C1QTNF2: variants seen among roughly 807,000 people sequenced by gnomAD.
C1QTNF2 encodes the protein C1q and TNF related 2, also known as complement C1q tumor necrosis factor-related protein 2.
A neutral mutation model predicts 17.4 loss-of-function variants in C1QTNF2; 15 were observed. The ratio of observed to expected loss-of-function variants is 0.86; its 90% CI spans 0.58 to 1.33. The LOEUF is 1.33. C1QTNF2 is among the 40% of genes most tolerant of loss of function. C1QTNF2 has a pLI of 0.00. For synonymous variants in C1QTNF2, 154 were observed against 163.3 expected, an observed-to-expected ratio of 0.94 and a Z score of 0.44; for missense variants, 381 against 392.3, an observed-to-expected ratio of 0.97 and a Z score of 0.24.
intron 1 of C1QTNF2, among the ~76,000 whole-genome samples, chr5:160,369,762 G>A (rs1764315814): frequency 6.6e-6 from 1 of 152,144 alleles, no homozygotes; most frequent in African/African-American, 2.4e-5. Flanking sequence ...GGAGAGACCT[G>A]GGCTGGGAGA....
intron 2 of C1QTNF2, among the ~76,000 whole-genome samples, chr5:160,354,169 C>G (rs1460838706): frequency 1.3e-5 from 2 of 152,092 alleles, no homozygotes; most frequent in Non-Finnish European, 2.9e-5. Context: ...CTGTCACTTG[C>G]AATTATCAAG....
intron 1 of C1QTNF2, among the ~76,000 whole-genome samples, chr5:160,370,144 C>T (rs1389267191): frequency 6.6e-6 from 1 of 152,074 alleles, no homozygotes; most frequent in Non-Finnish European, 1.5e-5. Flanking sequence ...GAGCCCAGTT[C>T]CTCTTTTGTA....
rs1208984820 is a variant in C1QTNF2, at chr5:160,354,770, T to A, written c.242A>T (p.Glu81Val). 6.2e-7 allele frequency: 1 copy of A among 1,613,492 alleles called. No homozygotes were observed. Among genetic ancestry groups the A allele is most frequent in the Non-Finnish European group, 8.5e-7 (1 of 1,179,908 alleles). Residue 81 changes from glutamate (E) to valine (V), a missense_variant and splice_region_variant, in exon 2 of 3, where the codon GAA (glutamate) becomes GTA (valine). Glu to Val is a moderately radical substitution (Grantham distance 121). Transcript: ENST00000652664. Reference protein sequence around the residue: ...HDGDRGDSGEEGPPGRTGNRG... With the variant: ...HDGDRGDSGEVGPPGRTGNRG... ...AGTGGCACGTATAGGCCTCTTACCT[T>A]CCTCTCCGCTGTCCCCCCGGTCGCC...
intron 2 of C1QTNF2, among the ~76,000 whole-genome samples, chr5:160,352,690 G>T (rs114375239): frequency 6.6e-6 from 1 of 152,184 alleles, no homozygotes; most frequent in East Asian, 1.9e-4. Context: ...TGAGTCTGCC[G>T]CCGTGGTCAG....
In C1QTNF2 at chr5:160,370,536, G is replaced by T; in HGVS notation, c.-34C>A. 1 of 1,492,618 alleles carries T rather than the reference G, an allele frequency of 6.7e-7. No homozygotes were observed. 92.5% of individuals were successfully genotyped at this position (1,492,618 alleles called of 1,614,324 possible). A position where few individuals can be genotyped will look rare whatever the true frequency, so the allele number is the denominator to read the frequency against. On this transcript the variant is annotated 5_prime_UTR_variant, in exon 1 of 3. It adds an upstream start codon to the 5' untranslated region. Coordinates refer to ENST00000652664, the MANE Select transcript of C1QTNF2 (RefSeq NM_031908.6). Reference sequence around the variant, plus strand: ...CCCTCGCGGCTGCCCGCCACGTCCAGGGGCGTCCGGAGCAAAGAAGCTCTC... The same window carrying T: ...CCCTCGCGGCTGCCCGCCACGTCCATGGGCGTCCGGAGCAAAGAAGCTCTC...
intron 1 of C1QTNF2, among the ~76,000 whole-genome samples, chr5:160,356,964 G>T (rs914997185): frequency 2.0e-5 from 3 of 152,070 alleles, no homozygotes; most frequent in African/African-American, 7.3e-5. Context: ...AATGTTCATT[G>T]CCCACATCCC....
At position 160,370,494 on chromosome 5, in the gene C1QTNF2, G is replaced by A; in HGVS notation, c.-10+18C>T. On this transcript the variant is annotated intron_variant, in intron 1 of 2. Coordinates refer to ENST00000652664, the MANE Select transcript of C1QTNF2 (RefSeq NM_031908.6). ...GCGCACTTGCCGCCCCCGCCCGACC[G>A]CGGTGCGGGACACTCACCCTCGCGG... The A allele has an allele frequency of 7.0e-7, 1 of 1,431,310 alleles. No homozygotes were observed. The highest frequency in any genetic ancestry group is 9.1e-7 in the Non-Finnish European group (1 of 1,098,928). 88.7% of individuals were successfully genotyped at this position (1,431,310 alleles called of 1,614,324 possible).
chr5:160,355,742 A>G (rs1162996076), intron 1 of C1QTNF2, among the ~76,000 whole-genome samples: 1 of 152,256 alleles, frequency 6.6e-6, no homozygotes, highest in East Asian at 1.9e-4. Flanking sequence ...GCACCCCAGG[A>G]TGGCTTTGAA....
rs762523013 is a variant in C1QTNF2, at chr5:160,349,845, C to T, written c.245-64G>A. ...CAGACCTAGGCAGAGGGGTGCGGTGCGGCTTGGTCTTCCAATCTTGGAGAA... is the reference window on the plus strand; with the variant it reads ...CAGACCTAGGCAGAGGGGTGCGGTGTGGCTTGGTCTTCCAATCTTGGAGAA... On this transcript the variant is annotated intron_variant, in intron 2 of 2. Transcript: ENST00000652664. The surrounding 1 kb of genome is among the most constrained non-coding windows in gnomAD (Gnocchi z 4.3). 12 of 1,483,842 alleles carry T rather than the reference C, an allele frequency of 8.1e-6. No homozygotes were observed. The highest frequency in any genetic ancestry group is 4.9e-5 in the Admixed American group (2 of 40,892). The allele number at this position is 1,483,842 out of a possible 1,614,324, so 91.9% of individuals were successfully genotyped here. A position where few individuals can be genotyped will look rare whatever the true frequency, so the allele number is the denominator to read the frequency against.
chr5:160,357,784 A>G (rs913566647), intron 1 of C1QTNF2, among the ~76,000 whole-genome samples: 1 of 151,916 alleles, frequency 6.6e-6, no homozygotes, highest in South Asian at 2.1e-4. Context: ...AGAGGGAGAG[A>G]GACTGGCAGA....
At chr5:160,366,540 C>T (rs544570718) in intron 1 of C1QTNF2, among the ~76,000 whole-genome samples, 39 of 152,266 alleles carry the variant, frequency 2.6e-4, no homozygotes, top group Non-Finnish European at 5.0e-4. Context: ...ACAGTGACCC[C>T]GTGAGGAGCT....
intron 1 of C1QTNF2, among the ~76,000 whole-genome samples, chr5:160,364,507 T>C (rs1410637856): frequency 1.3e-5 from 2 of 152,212 alleles, no homozygotes; most frequent in Admixed American, 6.5e-5. Context: ...TCAAACAAGA[T>C]AATGGATGTT....
rs181062662 is a variant in C1QTNF2 at position 160,348,733 on chromosome 5, C to A, written c.*435G>T. Reference sequence around the variant, plus strand: ...CACTGTATGTAAGTAAACCTAAAAACGCAAACTTAAAAAAAGAAACAAATT... The same window carrying A: ...CACTGTATGTAAGTAAACCTAAAAAAGCAAACTTAAAAAAAGAAACAAATT... On this transcript the variant is annotated 3_prime_UTR_variant, in exon 3 of 3. Transcript: ENST00000652664. 342 of 159,652 alleles carry A rather than the reference C, an allele frequency of 2.1e-3. No individual in the cohort carries two copies. Among genetic ancestry groups the A allele is most frequent in the African/African-American group, 8.2e-3 (340 of 41,614 alleles). 9.9% of individuals were successfully genotyped at this position (159,652 alleles called of 1,614,324 possible).
In C1QTNF2 at chr5:160,349,645, C is replaced by T. The variant is rs761650652; in HGVS notation, c.381G>A (p.Gly127=). 2.5e-6 allele frequency: 4 copies of T among 1,613,688 alleles called. No individual in the cohort carries two copies. The Admixed American group carries it at 5.0e-5, about 20-fold the overall frequency. ...PGKHGTPGKK[G]PKGKKGEPGL... The stretch of plus-strand genomic sequence containing the variant: ...CTGGCTCCCCCTTCTTGCCCTTGGG[C>T]CCCTTCTTGCCTGGTGTGCCATGCT... Residue 127 remains glycine, a synonymous_variant, in exon 3 of 3, where the codon GGG becomes GGA. Transcript: ENST00000652664. This position sits in a 1 kb window ranked among gnomAD's most constrained non-coding sequence, Gnocchi z 4.3.
In C1QTNF2 at chr5:160,355,034, G is replaced by T. The variant is rs1232979033; in HGVS notation, c.-9-14C>A. 2.0e-6 allele frequency: 3 copies of T among 1,526,936 alleles called. No homozygotes were observed. In the Admixed American group the frequency reaches 6.5e-5, roughly 33 times the overall value. 94.6% of individuals were successfully genotyped at this position (1,526,936 alleles called of 1,614,324 possible). On this transcript the variant is annotated splice_polypyrimidine_tract_variant and intron_variant, in intron 1 of 2. Coordinates refer to ENST00000652664, the MANE Select transcript of C1QTNF2 (RefSeq NM_031908.6). ...CATGGTGGTTACCTGTGGGAGGCAA[G>T]AGAGCTGTGACAGGTGAGTGTGGCC...
In C1QTNF2 at chr5:160,349,378, G is replaced by A. The variant is rs1763864030; in HGVS notation, c.648C>T (p.Gly216=). The A allele has an allele frequency of 6.2e-7, 1 of 1,614,104 alleles. No individual in the cohort carries two copies. Among genetic ancestry groups the A allele is most frequent in the Non-Finnish European group, 8.5e-7 (1 of 1,180,028 alleles). Residue 216 remains glycine (G), a synonymous_variant, in exon 3 of 3, where the codon GGC becomes GGT. Coordinates refer to ENST00000652664, the MANE Select transcript of C1QTNF2 (RefSeq NM_031908.6). The surrounding 1 kb of genome is among the most constrained non-coding windows in gnomAD (Gnocchi z 4.3). Reference sequence around the variant, plus strand: ...CATCAAAGGTCCGGATGCGGTACTGGCCGTTGTGCACCAGGCCGATGGCCA... The same window carrying A: ...CATCAAAGGTCCGGATGCGGTACTGACCGTTGTGCACCAGGCCGATGGCCA... ...KHLAIGLVHN[G]QYRIRTFDAN...
intron 1 of C1QTNF2, among the ~76,000 whole-genome samples, chr5:160,361,899 G>A (rs1764160291): frequency 6.6e-6 from 1 of 152,122 alleles, no homozygotes; most frequent in South Asian, 2.1e-4. Context: ...CCCAATTTGT[G>A]ATTATGTATT....
Position 160,362,422 on chromosome 5 carries a change from C to T in C1QTNF2, c.-9-7402G>A, listed in dbSNP as rs149528694. ...TATTCCACCTCTTGGTTAAAGAAAC[C>T]CATAAAGATAGAAACCCCAAACACT... is the stretch of plus-strand genomic sequence containing the variant. On this transcript the variant is annotated intron_variant, in intron 1 of 2. Transcript: ENST00000652664. 3.0e-3 allele frequency among the ~76,000 whole-genome samples: 454 copies of T among 152,278 alleles called. 4 individuals are homozygous for T. Among genetic ancestry groups the T allele is most frequent in the African/African-American group, 9.8e-3 (409 of 41,556 alleles).
At chr5:160,361,878 A>C (rs1016709007) in intron 1 of C1QTNF2, among the ~76,000 whole-genome samples, 9 of 152,068 alleles carry the variant, frequency 5.9e-5, no homozygotes, top group Non-Finnish European at 8.8e-5. Flanking sequence ...CTGTTCTTTC[A>C]AGGCACCTGG....
Sources: allele counts gnomAD v4.1 joint callset (sites outside exome capture counted in the v4.1 genomes callset), GRCh38; gene constraint gnomAD v4.1.1; non-coding constraint Gnocchi (gnomAD v3.1); transcripts MANE v1.5; gene names NCBI Gene and HGNC (gene_info 2026-07-23, HGNC 2026-07-21).